The following TSPAN4 variants were observed in gnomAD, a reference collection of about 807,000 sequenced individuals.
TSPAN4 encodes the protein tetraspanin 4, also known as tetraspanin-4.
TSPAN4 carries 38 observed loss-of-function variants against 31.5 expected under a neutral mutation model. That is an observed-to-expected ratio of 1.21 (90% CI 0.93 to 1.58). The LOEUF is 1.58. Among genes scored for constraint, TSPAN4 ranks in the 40% most tolerant of loss-of-function variants. TSPAN4 has a pLI of 0.00. For synonymous variants in TSPAN4, 186 were observed against 144.6 expected (o/e 1.29, Z -2.06); for missense variants, 330 against 317.3 (o/e 1.04, Z -0.30).
rs374412356 is a variant in TSPAN4, at chr11:865,554, C to T, written c.372C>T (p.His124=). The T allele has an allele frequency of 3.8e-5, 62 of 1,612,446 alleles. No homozygotes were observed. The Middle Eastern group carries it at 1.0e-3, about 26-fold the overall frequency. ...AGCAAGACCTGAAGAAAGGCTTGCA[C>T]CTGTACGGCACGCAGGGCAACGTGG... The part of the protein sequence containing the change: ...YAQQDLKKGL[H]LYGTQGNVGL... Residue 124 remains histidine (H), a synonymous_variant, in exon 6 of 9, where the codon CAC becomes CAT. Coordinates refer to ENST00000397397, the MANE Select transcript of TSPAN4 (RefSeq NM_003271.5).
intron 3 of TSPAN4, among the ~76,000 whole-genome samples, chr11:860,581 T>G (rs1261677251): frequency 1.3e-5 from 2 of 152,068 alleles, no homozygotes; most frequent in Non-Finnish European, 2.9e-5. Flanking sequence ...TGTCTTGAGC[T>G]GGGCTGGTGT....
In TSPAN4 at chr11:865,708, C is replaced by G; in HGVS notation, c.447C>G (p.Gly149=). The G allele has an allele frequency of 6.2e-7, 1 of 1,613,374 alleles. No individual in the cohort carries two copies. The highest frequency in any genetic ancestry group is 8.5e-7 in the Non-Finnish European group (1 of 1,179,948). ...SIIQTDFRCC[G]VSNYTDWFEV... ...TTGCCCCCCAGTTCCGCTGCTGTGG[C>G]GTCTCCAACTACACTGACTGGTTCG... The change falls in exon 7 of 9, where the codon GGC becomes GGG. Residue 149 remains glycine, a synonymous_variant. Coordinates refer to ENST00000397397, the MANE Select transcript of TSPAN4 (RefSeq NM_003271.5).
intron 3 of TSPAN4, among the ~76,000 whole-genome samples, chr11:853,269 C>T (rs540929682): frequency 8.3e-4 from 127 of 152,278 alleles, no homozygotes; most frequent in African/African-American, 2.9e-3. Flanking sequence ...CCCACCTTTG[C>T]CTCCATGTTC....
intron 8 of TSPAN4, 45 bp downstream of exon 8, chr11:866,046 G>A: frequency 6.3e-7 from 1 of 1,588,704 alleles, no homozygotes; most frequent in Non-Finnish European, 8.6e-7. Context: ...ACTTTGTTAG[G>A]ACCTTCTGAG....
At position 864,616 on chromosome 11, in the gene TSPAN4, C is replaced by T. The variant is rs928819733; in HGVS notation, c.330+105C>T. 20 of 1,463,240 alleles carry T rather than the reference C, an allele frequency of 1.4e-5. No homozygotes were observed. The Admixed American group carries it at 2.6e-4, about 19-fold the overall frequency. 90.6% of individuals were successfully genotyped at this position (1,463,240 alleles called of 1,614,324 possible). ...GTGGACAGAGTGGCCCTGCATGTGC[C>T]CTCACGGGCAGCCAGGACAGCGGGT... On this transcript the variant is annotated intron_variant, in intron 5 of 8. Transcript: ENST00000397397.
chr11:845,910 G>T (rs1187559112), intron 1 of TSPAN4, among the ~76,000 whole-genome samples: 3 of 152,148 alleles, frequency 2.0e-5, no homozygotes. Context: ...GACTCTGTAT[G>T]TAGCCCCCAG....
rs768725097 is a variant in TSPAN4 at position 865,534 on chromosome 11, GA to G, written c.353del (p.Asp118AlafsTer2). ...CCAGATTGACAGGTATGCCCAGCAA[GA>G]CCTGAAGAAAGGCTTGCACCTGTAC... ...TDKIDRYAQQ[D>X]LKKGLHLYGT... On this transcript the variant is annotated frameshift_variant, in exon 6 of 9. Transcript: ENST00000397397. LOFTEE classifies it high-confidence loss of function. The G allele has an allele frequency of 6.2e-7, 1 of 1,611,894 alleles. No homozygotes were observed. The highest frequency in any genetic ancestry group is 2.2e-5 in the East Asian group (1 of 44,850).
At position 865,629 on chromosome 11, in the gene TSPAN4, G is replaced by A. The variant is rs1415116701; in HGVS notation, c.432+15G>A. 1 of 1,612,568 alleles carries A rather than the reference G, an allele frequency of 6.2e-7. No individual in the cohort carries two copies. The highest frequency in any genetic ancestry group is 1.7e-5 in the Admixed American group (1 of 59,954). On this transcript the variant is annotated intron_variant, in intron 6 of 8. Coordinates refer to ENST00000397397, the MANE Select transcript of TSPAN4 (RefSeq NM_003271.5). ...TCCAGACCGACGTGAGGCGTGGGCA[G>A]GTGGGCGGGGTCGGCGGGTGCCCCC... is the stretch of plus-strand genomic sequence containing the variant.
At chr11:853,204 C>T (rs1378762597) in intron 3 of TSPAN4, among the ~76,000 whole-genome samples, 2 of 152,148 alleles carry the variant, frequency 1.3e-5, no homozygotes, top group African/African-American at 4.8e-5. Context: ...GCTTGCCTGG[C>T]TGCCCCTTAG....
In TSPAN4 at chr11:850,360, T is replaced by C; in HGVS notation, c.56T>C (p.Leu19Pro). ...TACCTCATGTTCGCCTTCAACCTGCTCTTCTGGGTGAGTCCGGGGGCCGGG... is the reference window on the plus strand; with the variant it reads ...TACCTCATGTTCGCCTTCAACCTGCCCTTCTGGGTGAGTCCGGGGGCCGGG... The part of the protein sequence containing the change: ...VKYLMFAFNL[L>P]FWLGGCGVLG... Residue 19 changes from leucine (L) to proline (P), a missense_variant, in exon 3 of 9, where the codon CTC becomes CCC. Coordinates refer to ENST00000397397, the MANE Select transcript of TSPAN4 (RefSeq NM_003271.5). 1 of 1,603,258 alleles carries C rather than the reference T, an allele frequency of 6.2e-7. No individual in the cohort carries two copies. The highest frequency in any genetic ancestry group is 1.3e-5 in the African/African-American group (1 of 74,850).
Position 866,639 on chromosome 11 carries a change from C to T in TSPAN4, c.*9C>T. ...ACACCTACTGCGCGTAGGCCGCCCA[C>T]CGCCCGCTTCTCTGCCAAAAGGACG... On this transcript the variant is annotated 3_prime_UTR_variant, in exon 9 of 9. Transcript: ENST00000397397. 2 of 1,609,676 alleles carry T rather than the reference C, an allele frequency of 1.2e-6. No individual in the cohort carries two copies. Among genetic ancestry groups the T allele is most frequent in the Non-Finnish European group, 1.7e-6 (2 of 1,178,442 alleles).
In TSPAN4 at chr11:848,898, C is replaced by T. The variant is rs1847467783; in HGVS notation, c.-17-1390C>T. The T allele has an allele frequency of 1.4e-6, 1 of 713,746 alleles. No homozygotes were observed. Among genetic ancestry groups the T allele is most frequent in the African/African-American group, 1.7e-5 (1 of 57,246 alleles). The allele number at this position is 713,746 out of a possible 1,614,324, so 44.2% of individuals were successfully genotyped here. Reference sequence around the variant, plus strand: ...GGTGTGTGCGCATCCGGCGTGATGACACCCAGGAGTGCAGGCACATCTGCG... The same window carrying T: ...GGTGTGTGCGCATCCGGCGTGATGATACCCAGGAGTGCAGGCACATCTGCG... On this transcript the variant is annotated intron_variant, in intron 2 of 8. Coordinates refer to ENST00000397397, the MANE Select transcript of TSPAN4 (RefSeq NM_003271.5). The surrounding 1 kb of genome is among the most constrained non-coding windows in gnomAD (Gnocchi z 5.7).
chr11:850,551 G>A (rs751899201), intron 3 of TSPAN4, among the ~76,000 whole-genome samples, 184 bp downstream of exon 3: 6 of 152,216 alleles, frequency 3.9e-5, no homozygotes, highest in Non-Finnish European at 7.4e-5. Flanking sequence ...GGTGGGGAAG[G>A]TTTGCACCAT....
chr11:861,076 GGCGGACCCCT>G (rs996974208), intron 3 of TSPAN4, among the ~76,000 whole-genome samples: 3 of 152,202 alleles, frequency 2.0e-5, no homozygotes, highest in African/African-American at 7.2e-5. Context: ...GTGGGGTCCT[GGCGGACCCCT>G]GCTTCCCTTG....
chr11:864,356 C>T (rs1323970625), intron 4 of TSPAN4, 81 bp from the exon 5 acceptor site: 38 of 1,549,896 alleles, frequency 2.5e-5, no homozygotes, highest in Admixed American at 3.3e-5. Context: ...CCATGAGGTA[C>T]GTGGCCCTGG....
intron 4 of TSPAN4, chr11:862,952 G>A: frequency 1.7e-6 from 1 of 583,098 alleles, no homozygotes; most frequent in South Asian, 2.2e-5. Context: ...AGAGCGGTGT[G>A]GGGGTCACTC....
intron 2 of TSPAN4, among the ~76,000 whole-genome samples, chr11:847,596 C>T (rs1590222839): frequency 6.6e-6 from 1 of 151,932 alleles, no homozygotes; most frequent in Non-Finnish European, 1.5e-5. Flanking sequence ...GAAGCAAGCC[C>T]AGCTCCCCGC....
rs1173501540 is a variant in TSPAN4, at chr11:850,327, C to A, written c.23C>A (p.Ala8Asp). 6.2e-7 allele frequency: 1 copy of A among 1,608,004 alleles called. No individual in the cohort carries two copies. Among genetic ancestry groups the A allele is most frequent in the East Asian group, 2.2e-5 (1 of 44,816 alleles). The change falls in exon 3 of 9, where the codon GCC becomes GAC. Residue 8 changes from alanine to aspartate, a missense_variant. By Grantham distance (126) the Ala-to-Asp change is moderately radical. Transcript: ENST00000397397. ...GGCATGGCGCGCGCCTGCCTCCAGG[C>A]CGTCAAGTACCTCATGTTCGCCTTC... MARACLQAVKYLMFAFNL... is the reference protein window; with the variant it reads MARACLQDVKYLMFAFNL...
intron 1 of TSPAN4, among the ~76,000 whole-genome samples, chr11:845,760 G>A (rs1333759325): frequency 2.0e-5 from 3 of 152,158 alleles, no homozygotes; most frequent in African/African-American, 7.2e-5. Flanking sequence ...GGAGTGTGGG[G>A]TTAGCCTCGG....
Sources: gnomAD v4.1 joint callset for allele counts (sites outside exome capture counted in the v4.1 genomes callset) on GRCh38, gnomAD v4.1.1 for gene constraint, Gnocchi (gnomAD v3.1) non-coding constraint, MANE v1.5 for transcripts, NCBI Gene and HGNC (gene_info 2026-07-23, HGNC 2026-07-21) for gene names.